The following UNC13B variants were observed in gnomAD, a reference collection of about 807,000 sequenced individuals.
The protein encoded by UNC13B is unc-13 homolog B, also known as protein unc-13 homolog B.
In UNC13B, 144 loss-of-function variants were observed where a neutral mutation model predicts 211.0. That is an observed-to-expected ratio of 0.68 (90% CI 0.60 to 0.78). The LOEUF (loss-of-function observed/expected upper bound fraction) is 0.78. UNC13B is among the 30% of genes least tolerant of loss of function. The probability of loss-of-function intolerance (pLI) is 0.00; values close to 1 mark genes in which losing one functional copy is unlikely to be tolerated. For missense variants in UNC13B, 1,777 were observed against 2,002.0 expected (o/e 0.89, Z 2.14); for synonymous variants, 709 against 725.8 (o/e 0.98, Z 0.37).
chr9:35,262,365 G>A (rs1827330592), intron 7 of UNC13B, among the ~76,000 whole-genome samples: 1 of 151,516 alleles, frequency 6.6e-6, no homozygotes, highest in Non-Finnish European at 1.5e-5. Context: ...CATCCAGGCT[G>A]GAGTGCAGTG....
intron 1 of UNC13B, among the ~76,000 whole-genome samples, chr9:35,184,600 C>G (rs1042278313): frequency 2.6e-5 from 4 of 152,074 alleles, no homozygotes; most frequent in Non-Finnish European, 5.9e-5. Flanking sequence ...CCCAGGCACT[C>G]GGCAGGCTGA....
intron 37 of UNC13B, chr9:35,402,031 T>C (rs1170784393): frequency 1.9e-6 from 3 of 1,548,902 alleles, no homozygotes; most frequent in African/African-American, 1.4e-5. Context: ...CGTGCAGATA[T>C]GGATCTAACA....
At chr9:35,363,241 T>C (rs1384786231) in intron 11 of UNC13B, among the ~76,000 whole-genome samples, 2 of 152,194 alleles carry the variant, frequency 1.3e-5, no homozygotes, top group Non-Finnish European at 2.9e-5. Context: ...TTAGGCATTA[T>C]GGGGAAACCT....
At chr9:35,258,271 C>G (rs1234538249) in intron 6 of UNC13B, among the ~76,000 whole-genome samples, 1 of 152,188 alleles carries the variant, frequency 6.6e-6, no homozygotes, top group Admixed American at 6.5e-5. Flanking sequence ...CCAGACTATT[C>G]TCACTGTCTT....
At position 35,328,638 on chromosome 9, in the gene UNC13B, T is replaced by C. The variant is rs909489873; in HGVS notation, c.9414+14649T>C. 8.0e-4 allele frequency among the ~76,000 whole-genome samples: 75 copies of C among 94,124 alleles called. 1 individual carries two copies. The highest frequency in any genetic ancestry group is 2.9e-3 in the African/African-American group (64 of 22,078). The allele number at this position is 94,124 out of a possible 152,430, so 61.7% of individuals were successfully genotyped here. On this transcript the variant is annotated intron_variant, in intron 11 of 39. Transcript: ENST00000635942. ...TTCCTTCCTTCCTTCCTTCCTTCCTTCCTTCCTTCCTTCCTTCCTTCCTTC... is the reference window on the plus strand; with the variant it reads ...TTCCTTCCTTCCTTCCTTCCTTCCTCCCTTCCTTCCTTCCTTCCTTCCTTC...
chr9:35,400,499 C>T (rs1836229358), intron 37 of UNC13B, 56 bp downstream of exon 37: 1 of 1,557,788 alleles, frequency 6.4e-7, no homozygotes. Flanking sequence ...ACATCTTCCC[C>T]TAGGGAGTCT....
At chr9:35,396,422 G>A in intron 26 of UNC13B, 54 bp from the exon 27 acceptor site, 1 of 1,609,508 alleles carries the variant, frequency 6.2e-7, no homozygotes, top group Admixed American at 1.7e-5. Flanking sequence ...GGAAGGCTCA[G>A]GAACCATGGC....
intron 7 of UNC13B, among the ~76,000 whole-genome samples, chr9:35,269,343 A>T (rs1363593397): frequency 6.6e-6 from 1 of 152,216 alleles, no homozygotes; most frequent in Non-Finnish European, 1.5e-5. Flanking sequence ...ACATTGGAGG[A>T]AGTCCAGAAG....
At chr9:35,313,625 A>AAAAT (rs149145175) in intron 10 of UNC13B, among the ~76,000 whole-genome samples, 32,854 of 133,646 alleles carry the variant, frequency 0.25, 4,337 homozygotes, top group Admixed American at 0.32. Context: ...ACCCTGTCTC[A>AAAAT]AAATAAATAA....
At chr9:35,314,801 GTA>G (rs58978538) in intron 11 of UNC13B, among the ~76,000 whole-genome samples, 52,189 of 143,400 alleles carry the variant, frequency 0.36, 9,575 homozygotes, top group African/African-American at 0.46. Context: ...CCCATGGTGT[GTA>G]TATATATATA....
chr9:35,303,063 T>C lies in UNC13B; in HGVS notation c.3659T>C (p.Leu1220Ser). 1 of 398,774 alleles carries C rather than the reference T, an allele frequency of 2.5e-6. No homozygotes were observed. The allele number at this position is 398,774 out of a possible 1,614,324, so 24.7% of individuals were successfully genotyped here. A position where few individuals can be genotyped will look rare whatever the true frequency, so the allele number is the denominator to read the frequency against. Residue 1220 changes from leucine to serine, a missense_variant, in exon 9 of 40, where the codon TTA (leucine) becomes TCA (serine). Transcript: ENST00000635942. The part of the protein sequence containing the change: ...NMKSLNGDNH[L>S]SLDEVPATSC... ...AAGAGTTTGAATGGAGATAACCATT[T>C]ATCCTTGGATGAGGTCCCTGCTACT... is the stretch of plus-strand genomic sequence containing the variant.
chr9:35,389,995 C>T (rs1407220577), intron 25 of UNC13B, 22 bp downstream of exon 25: 5 of 1,612,318 alleles, frequency 3.1e-6, no homozygotes, highest in East Asian at 4.5e-5. Context: ...CCTCTTTGGC[C>T]CTGTCTGTTG....
At chr9:35,185,173 A>T (rs141148929) in intron 1 of UNC13B, among the ~76,000 whole-genome samples, 60 of 152,344 alleles carry the variant, frequency 3.9e-4, no homozygotes, top group African/African-American at 1.4e-3. Context: ...AAAAGGGCTC[A>T]GATTGCCAGT....
At position 35,378,281 on chromosome 9, in the gene UNC13B, T is replaced by C; in HGVS notation, c.10064-14T>C. 6.2e-7 allele frequency: 1 copy of C among 1,614,132 alleles called. No individual in the cohort carries two copies. Reference sequence around the variant, plus strand: ...GAACGACTCTGAAGCCTCCTATACATGCTTGGGTTGCAGTGGTGTGTGCCC... The same window carrying C: ...GAACGACTCTGAAGCCTCCTATACACGCTTGGGTTGCAGTGGTGTGTGCCC... On this transcript the variant is annotated splice_polypyrimidine_tract_variant and intron_variant, in intron 16 of 39. Coordinates refer to ENST00000635942, the MANE Select transcript of UNC13B (RefSeq NM_001371189.2).
At chr9:35,272,269 T>G (rs143905429) in intron 7 of UNC13B, among the ~76,000 whole-genome samples, 77 of 150,060 alleles carry the variant, frequency 5.1e-4, no homozygotes, top group East Asian at 4.1e-3. Context: ...TTTTGTTTTT[T>G]TTTTTTGAGA....
chr9:35,360,228 C>G (rs1159098558), intron 11 of UNC13B, among the ~76,000 whole-genome samples: 1 of 152,136 alleles, frequency 6.6e-6, no homozygotes, highest in Non-Finnish European at 1.5e-5. Context: ...ATCTTTTTCC[C>G]TTATCTGAAT....
At chr9:35,295,660 G>A in intron 7 of UNC13B, 36 bp from the exon 8 acceptor site, 5 of 1,589,090 alleles carry the variant, frequency 3.1e-6, no homozygotes, top group Non-Finnish European at 4.3e-6. Context: ...ACTAAATAAA[G>A]CTGGGGTGCT....
At position 35,306,568 on chromosome 9, in the gene UNC13B, T is replaced by A; in HGVS notation, c.7164T>A (p.Asp2388Glu). The A allele has an allele frequency of 2.5e-6, 1 of 398,966 alleles. No individual in the cohort carries two copies. Among genetic ancestry groups the A allele is most frequent in the Non-Finnish European group, 4.4e-6 (1 of 226,056 alleles). 24.7% of individuals were successfully genotyped at this position (398,966 alleles called of 1,614,324 possible). A position where few individuals can be genotyped will look rare whatever the true frequency, so the allele number is the denominator to read the frequency against. The change falls in exon 9 of 40, where the codon GAT becomes GAA. Residue 2388 changes from aspartate (D) to glutamate (E), a missense_variant. By Grantham distance (45) the Asp-to-Glu change is conservative. Coordinates refer to ENST00000635942, the MANE Select transcript of UNC13B (RefSeq NM_001371189.2). ...AACAGTTAATTGAAAAATTCAATGA[T>A]TTAGACACTTGTACTAACTGCCACC... is the stretch of plus-strand genomic sequence containing the variant. ...HAKQLIEKFNDLDTCTNCHQN... is the reference protein window; with the variant it reads ...HAKQLIEKFNELDTCTNCHQN...
At chr9:35,268,605 C>T (rs1431906721) in intron 7 of UNC13B, among the ~76,000 whole-genome samples, 1 of 152,036 alleles carries the variant, frequency 6.6e-6, no homozygotes, top group Admixed American at 6.6e-5. Context: ...GGCGACAGAG[C>T]GAGACTCTGT....
Sources: allele counts gnomAD v4.1 joint callset (sites outside exome capture counted in the v4.1 genomes callset), GRCh38; gene constraint gnomAD v4.1.1; transcripts MANE v1.5; gene names NCBI Gene and HGNC (gene_info 2026-07-23, HGNC 2026-07-21).